CCDC146: variants seen among roughly 807,000 people sequenced by gnomAD.
CCDC146 encodes the protein coiled-coil domain-containing protein 146.
Under a neutral mutation model 119.3 loss-of-function variants are expected in CCDC146, and 92 were observed. That is an observed-to-expected ratio of 0.77 (90% confidence interval 0.65 to 0.92). The LOEUF (loss-of-function observed/expected upper bound fraction) is 0.92, where lower values mean the gene tolerates loss of function less well. Ranked by LOEUF, CCDC146 falls within the 40% of genes least tolerant of loss-of-function variation. CCDC146 has a pLI of 0.00. For missense variants in CCDC146, 1,000 were observed against 1,103.0 expected (o/e 0.91, Z 1.32); for synonymous variants, 372 against 371.8 (o/e 1.00, Z -0.01).
intron 2 of CCDC146, among the ~76,000 whole-genome samples, chr7:77,230,494 A>ATGTGTG (rs71524923): frequency 0.11 from 17,095 of 149,214 alleles, 1,433 homozygotes; most frequent in East Asian, 0.29. Flanking sequence ...GTTGACAGGT[A>ATGTGTG]TGTGTGTGTG....
In CCDC146 at chr7:77,283,888, A is replaced by G. The variant is rs1255502346; in HGVS notation, c.2148+1103A>G. 2.0e-5 allele frequency among the ~76,000 whole-genome samples: 3 copies of G among 152,056 alleles called. No homozygotes were observed. In the East Asian group the frequency reaches 5.8e-4, roughly 29 times the overall value. The stretch of plus-strand genomic sequence containing the variant: ...CAAATATGCCAATGTTCTGATTCCA[A>G]GTTTGTTTGTTTTTTTAATTTAGCC... On this transcript the variant is annotated intron_variant, in intron 15 of 18. Transcript: ENST00000285871.
At chr7:77,284,844 C>A (rs189296056) in intron 15 of CCDC146, among the ~76,000 whole-genome samples, 8 of 151,836 alleles carry the variant, frequency 5.3e-5, no homozygotes, top group African/African-American at 1.5e-4. Context: ...TGATTATCTG[C>A]TCAGCATCAA....
At chr7:77,154,722 G>A (rs1791156856) in intron 1 of CCDC146, among the ~76,000 whole-genome samples, 1 of 152,018 alleles carries the variant, frequency 6.6e-6, no homozygotes, top group African/African-American at 2.4e-5. Context: ...CATTTGGGTT[G>A]GTGCAAGTCT....
chr7:77,231,334 C>T (rs957224527), intron 2 of CCDC146, among the ~76,000 whole-genome samples: 4 of 152,044 alleles, frequency 2.6e-5, no homozygotes, highest in African/African-American at 9.7e-5. Flanking sequence ...TGAAAGTTCT[C>T]AATTTAATAA....
At chr7:77,188,167 TG>T (rs1791701690) in intron 2 of CCDC146, among the ~76,000 whole-genome samples, 1 of 152,236 alleles carries the variant, frequency 6.6e-6, no homozygotes, top group African/African-American at 2.4e-5. Flanking sequence ...GGGGGCTGCC[TG>T]ATTCACAAAT....
intron 2 of CCDC146, among the ~76,000 whole-genome samples, chr7:77,186,261 GAATA>G (rs1469743946): frequency 6.6e-6 from 1 of 151,924 alleles, no homozygotes; most frequent in Non-Finnish European, 1.5e-5. Flanking sequence ...ACAGATGAAT[GAATA>G]AAGAAAATGT....
chr7:77,196,746 C>T lies in CCDC146; in HGVS notation c.156+28922C>T. 2 of 1,614,052 alleles carry T rather than the reference C, an allele frequency of 1.2e-6. No individual in the cohort carries two copies. Among genetic ancestry groups the T allele is most frequent in the Non-Finnish European group, 1.7e-6 (2 of 1,179,978 alleles). ...GTCAGAAGATGAATTTTATCGTTCC[C>T]CAGCCAAAATTCCCTTCTGAGGTTT... On this transcript the variant is annotated intron_variant, in intron 2 of 18. Coordinates refer to ENST00000285871, the MANE Select transcript of CCDC146 (RefSeq NM_020879.3). The surrounding 1 kb of genome is among the most constrained non-coding windows in gnomAD (Gnocchi z 4.2).
intron 4 of CCDC146, among the ~76,000 whole-genome samples, chr7:77,247,438 T>C (rs1002558477): frequency 2.0e-5 from 3 of 152,200 alleles, no homozygotes; most frequent in African/African-American, 7.2e-5. Flanking sequence ...GATCAATACC[T>C]GGGAAGTAAA....
At chr7:77,133,346 T>TTTGTTG (rs150341544) in intron 1 of CCDC146, among the ~76,000 whole-genome samples, 2 of 151,920 alleles carry the variant, frequency 1.3e-5, no homozygotes, top group Non-Finnish European at 2.9e-5. Context: ...TGGAACAACT[T>TTTGTTG]TTGTTGTTGT....
intron 2 of CCDC146, among the ~76,000 whole-genome samples, chr7:77,213,903 A>G (rs967549803): frequency 6.6e-6 from 1 of 152,132 alleles, no homozygotes; most frequent in Non-Finnish European, 1.5e-5. Context: ...CATGACTGCT[A>G]TGGTGAATAG....
chr7:77,287,083 GC>G (rs1374752521), intron 16 of CCDC146, 157 bp downstream of exon 16: 6 of 846,814 alleles, frequency 7.1e-6, no homozygotes, highest in African/African-American at 1.7e-5. Context: ...TACATTCTAA[GC>G]TTGATTTAGA....
chr7:77,294,739 T>A lies in CCDC146; in HGVS notation c.2741T>A (p.Ile914Asn), dbSNP rs2150562506. ...TTAEQRPNAY[I>N]PEADATLPLP... The stretch of plus-strand genomic sequence containing the variant: ...GCAGAGCAGCGTCCGAATGCCTACA[T>A]CCCAGAAGCAGATGCCACTCTTCCT... The change falls in exon 19 of 19, where the codon ATC (isoleucine) becomes AAC (asparagine). Residue 914 changes from isoleucine to asparagine, a missense_variant. Ile to Asn is a moderately radical substitution (Grantham distance 149, BLOSUM62 -3). Around this residue, in one of 2 missense-constraint regions of CCDC146, gnomAD observed 985 missense variants for 1,045.3 expected, o/e 0.94. Coordinates refer to ENST00000285871, the MANE Select transcript of CCDC146 (RefSeq NM_020879.3). 3 of 1,614,162 alleles carry A rather than the reference T, an allele frequency of 1.9e-6. No homozygotes were observed. The highest frequency in any genetic ancestry group is 2.5e-6 in the Non-Finnish European group (3 of 1,180,030).
intron 13 of CCDC146, 83 bp downstream of exon 13, chr7:77,279,184 T>C (rs1208203439): frequency 3.4e-6 from 5 of 1,456,504 alleles, no homozygotes; most frequent in Admixed American, 4.5e-5. Context: ...GATAAGAAGA[T>C]AGGAAAGAGG....
At chr7:77,254,370 T>G (rs1401275669) in intron 4 of CCDC146, 136 bp from the exon 5 acceptor site, 23 of 569,224 alleles carry the variant, frequency 4.0e-5, no homozygotes, top group Non-Finnish European at 6.2e-6. Context: ...AGGAAAGGTG[T>G]CATAAAGAAT....
intron 1 of CCDC146, among the ~76,000 whole-genome samples, chr7:77,138,290 CA>C (rs59868618): frequency 0.32 from 38,944 of 121,698 alleles, 5,503 homozygotes; most frequent in East Asian, 0.47. Context: ...GGGGCAGTTG[CA>C]AAAAAAAAAA....
At chr7:77,287,351 G>T in intron 16 of CCDC146, 89 bp from the exon 17 acceptor site, 2 of 1,360,620 alleles carry the variant, frequency 1.5e-6, no homozygotes, top group East Asian at 2.3e-5. Context: ...TTTGTGGGGG[G>T]TAGGGGGAGA....
chr7:77,170,967 A>T (rs895473966), intron 2 of CCDC146, among the ~76,000 whole-genome samples: 1 of 152,228 alleles, frequency 6.6e-6, no homozygotes, highest in Non-Finnish European at 1.5e-5. Context: ...TTGTATTTTT[A>T]AAACCATGAT....
intron 9 of CCDC146, among the ~76,000 whole-genome samples, chr7:77,264,785 C>A (rs1359320852): frequency 6.6e-6 from 1 of 152,204 alleles, no homozygotes; most frequent in Non-Finnish European, 1.5e-5. Flanking sequence ...TCCCACATTT[C>A]CTTCCTTGGG....
At position 77,259,225 on chromosome 7, in the gene CCDC146, A is replaced by G. The variant is rs570424014; in HGVS notation, c.758+157A>G. On this transcript the variant is annotated intron_variant, in intron 7 of 18. Transcript: ENST00000285871. ...TAGGTTGTTTATATCAAGTTCTTTA[A>G]AAGAAAGTAATGCACCAAATTTCTA... 7 of 517,444 alleles carry G rather than the reference A, an allele frequency of 1.4e-5. No homozygotes were observed. The South Asian group carries it at 2.3e-4, about 17-fold the overall frequency. 32.1% of individuals were successfully genotyped at this position (517,444 alleles called of 1,614,324 possible).
Sources: gnomAD v4.1 joint callset for allele counts (sites outside exome capture counted in the v4.1 genomes callset) on GRCh38, gnomAD v4.1.1 for gene constraint, gnomAD v4.1.1 regional missense constraint, Gnocchi (gnomAD v3.1) non-coding constraint, MANE v1.5 for transcripts, NCBI Gene and HGNC (gene_info 2026-07-23, HGNC 2026-07-21) for gene names.